The following CCDC6 variants were observed in gnomAD, a reference collection of about 807,000 sequenced individuals.
CCDC6 encodes coiled-coil domain containing 6, also known as coiled-coil domain-containing protein 6.
CCDC6 carries 20 observed loss-of-function variants against 56.6 expected under a neutral mutation model. That is an observed-to-expected ratio of 0.35 (90% CI 0.25 to 0.51). The LOEUF (loss-of-function observed/expected upper bound fraction) is 0.51. Among genes scored for constraint, CCDC6 ranks in the 20% least tolerant of loss-of-function variants. The pLI is 0.95. For synonymous variants in CCDC6, 241 were observed against 234.4 expected, an observed-to-expected ratio of 1.03 and a Z score of -0.26; for missense variants, 367 against 601.1, an observed-to-expected ratio of 0.61 and a Z score of 4.07.
At chr10:59,874,036 A>C (rs1438175267) in intron 1 of CCDC6, among the ~76,000 whole-genome samples, 2 of 152,084 alleles carry the variant, frequency 1.3e-5, no homozygotes, top group Non-Finnish European at 2.9e-5. Flanking sequence ...TATGACATCT[A>C]ATACTGAAAG....
chr10:59,868,662 C>T (rs2071198931), intron 1 of CCDC6, among the ~76,000 whole-genome samples: 1 of 152,196 alleles, frequency 6.6e-6, no homozygotes, highest in African/African-American at 2.4e-5. Context: ...TCTTTCATGG[C>T]TCACTGTGCC....
In CCDC6 at chr10:59,792,949, G is replaced by A; in HGVS notation, c.1393C>T (p.Gln465Ter). 11 of 1,611,668 alleles carry A rather than the reference G, an allele frequency of 6.8e-6. No homozygotes were observed. Among genetic ancestry groups the A allele is most frequent in the Non-Finnish European group, 9.3e-6 (11 of 1,178,832 alleles). Residue 465 changes from glutamine to a stop codon, truncating the protein, a stop_gained, in exon 9 of 9, where the codon CAA becomes TAA. Transcript: ENST00000263102. LOFTEE classifies it high-confidence loss of function. The stretch of plus-strand genomic sequence containing the variant: ...TGGGAGGAGGGGTGCGCCGAATGTT[G>A]CGAAGGAGTAGGCTGCGAGGTGGCT... ...SAATSQPTPS[Q>*]HSAHPSSQP
intron 1 of CCDC6, among the ~76,000 whole-genome samples, chr10:59,873,828 AAAG>A (rs200504801): frequency 0.017 from 2,645 of 152,346 alleles, 31 homozygotes; most frequent in Middle Eastern, 0.044. Context: ...TTTTAAAAAA[AAAG>A]AAGGACAGAG....
intron 3 of CCDC6, among the ~76,000 whole-genome samples, chr10:59,820,738 ACT>A (rs1410335086): frequency 4.0e-5 from 6 of 151,426 alleles, no homozygotes; most frequent in Non-Finnish European, 8.8e-5. Flanking sequence ...TCAGAGCAAG[ACT>A]CTGTCTCAAA....
At chr10:59,905,650 C>T (rs1054433128) in intron 1 of CCDC6, among the ~76,000 whole-genome samples, 1 of 152,216 alleles carries the variant, frequency 6.6e-6, no homozygotes, top group Non-Finnish European at 1.5e-5. Context: ...AGTCCAGATG[C>T]CAGCTTAGTG....
chr10:59,889,364 T>C lies in CCDC6; in HGVS notation c.303+16758A>G, dbSNP rs187772042. Among the ~76,000 whole-genome samples the C allele has an allele frequency of 2.0e-5, 3 of 152,344 alleles. No homozygotes were observed. The East Asian group carries it at 5.8e-4, about 29-fold the overall frequency. On this transcript the variant is annotated intron_variant, in intron 1 of 8. Transcript: ENST00000263102. ...TCCAGCCATTCTGGGCTGCATGGGA[T>C]GCTACAAGTCAGCCTGCTGTTTCAA...
intron 7 of CCDC6, among the ~76,000 whole-genome samples, chr10:59,798,074 T>A (rs1053560490): frequency 6.6e-6 from 1 of 152,206 alleles, no homozygotes; most frequent in East Asian, 1.9e-4. Flanking sequence ...ACTGCACAAA[T>A]GTGGCTAGCT....
At chr10:59,809,754 A>G (rs1589036893) in intron 5 of CCDC6, among the ~76,000 whole-genome samples, 1 of 152,216 alleles carries the variant, frequency 6.6e-6, no homozygotes, top group Non-Finnish European at 1.5e-5. Context: ...CAACATATGT[A>G]TGCCATAGGA....
At chr10:59,904,249 T>C (rs2071525885) in intron 1 of CCDC6, among the ~76,000 whole-genome samples, 1 of 152,222 alleles carries the variant, frequency 6.6e-6, no homozygotes, top group African/African-American at 2.4e-5. Context: ...TCTAGCCAAG[T>C]ACTCAGAAGG....
At chr10:59,900,676 T>A (rs1012448240) in intron 1 of CCDC6, among the ~76,000 whole-genome samples, 5 of 152,086 alleles carry the variant, frequency 3.3e-5, no homozygotes, top group African/African-American at 1.2e-4. Flanking sequence ...TGAACAAGAG[T>A]CACCACAAAC....
intron 1 of CCDC6, among the ~76,000 whole-genome samples, chr10:59,898,346 A>G (rs1250555481): frequency 1.3e-5 from 2 of 152,256 alleles, no homozygotes; most frequent in African/African-American, 4.8e-5. Flanking sequence ...ATTGAGCAAC[A>G]GCTCTCCCCA....
intron 1 of CCDC6, among the ~76,000 whole-genome samples, chr10:59,896,494 T>C (rs1024441980): frequency 2.0e-5 from 3 of 151,806 alleles, no homozygotes; most frequent in Admixed American, 1.3e-4. Context: ...TAAGTTAAAA[T>C]AAGACATCAA....
intron 3 of CCDC6, among the ~76,000 whole-genome samples, chr10:59,825,489 C>T (rs979549408): frequency 3.9e-5 from 6 of 152,060 alleles, no homozygotes; most frequent in African/African-American, 7.2e-5. Context: ...TCATCAGCAG[C>T]GTGAAAAAGG....
chr10:59,867,964 T>C (rs61848728), intron 1 of CCDC6, among the ~76,000 whole-genome samples: 24,966 of 152,178 alleles, frequency 0.16, 2,653 homozygotes, highest in Middle Eastern at 0.26. Flanking sequence ...CATGAATTGA[T>C]TGATGTATTA....
chr10:59,801,779 A>C (rs2070578390), intron 7 of CCDC6, among the ~76,000 whole-genome samples: 1 of 152,130 alleles, frequency 6.6e-6, no homozygotes, highest in South Asian at 2.1e-4. Context: ...TAATGTTATA[A>C]TATAGTAATT....
At chr10:59,896,043 C>T (rs917704205) in intron 1 of CCDC6, among the ~76,000 whole-genome samples, 2 of 152,172 alleles carry the variant, frequency 1.3e-5, no homozygotes, top group African/African-American at 4.8e-5. Context: ...TGTGCACACT[C>T]CACGGGGAGA....
In CCDC6 at chr10:59,795,730, C is replaced by G. The variant is rs201000816; in HGVS notation, c.1106-1133G>C. ...CTATGAGTCAGAACATGTGGTGTTT[C>G]GTTTTTTGTCCTTGCGATAGTTTAC... On this transcript the variant is annotated intron_variant, in intron 7 of 8. Transcript: ENST00000263102. Among the ~76,000 whole-genome samples, 14 of 150,154 alleles carry G rather than the reference C, an allele frequency of 9.3e-5. No homozygotes were observed. In the East Asian group the frequency reaches 1.6e-3, roughly 17 times the overall value.
intron 7 of CCDC6, among the ~76,000 whole-genome samples, chr10:59,799,179 C>T (rs1210860890): frequency 1.3e-5 from 2 of 151,422 alleles, no homozygotes; most frequent in Non-Finnish European, 2.9e-5. Context: ...GCCTGTAATT[C>T]CAGCACTTTG....
At chr10:59,880,085 C>A (rs768302283) in intron 1 of CCDC6, among the ~76,000 whole-genome samples, 2 of 152,114 alleles carry the variant, frequency 1.3e-5, no homozygotes, top group Non-Finnish European at 2.9e-5. Context: ...CTGAGTGCAT[C>A]AATATTTTTA....
Sources: gnomAD v4.1 joint callset for allele counts (sites outside exome capture counted in the v4.1 genomes callset) on GRCh38, gnomAD v4.1.1 for gene constraint, MANE v1.5 for transcripts, NCBI Gene and HGNC (gene_info 2026-07-23, HGNC 2026-07-21) for gene names.